SAMD3: variants seen among roughly 807,000 people sequenced by gnomAD.
SAMD3 encodes sterile alpha motif domain containing 3, also known as sterile alpha motif domain-containing protein 3.
In SAMD3, 63 loss-of-function variants were observed where a neutral mutation model predicts 58.5. The observed-to-expected ratio is 1.08, with a 90% CI of 0.88 to 1.33. The LOEUF (loss-of-function observed/expected upper bound fraction) is 1.33. Ranked by LOEUF, SAMD3 falls within the 40% of genes most tolerant of loss-of-function variation. SAMD3 has a pLI of 0.00. For missense variants in SAMD3, 604 were observed against 608.4 expected, an observed-to-expected ratio of 0.99 and a Z score of 0.08; for synonymous variants, 220 against 210.3, an observed-to-expected ratio of 1.05 and a Z score of -0.40.
chr6:130,214,218 A>T, intron 4 of SAMD3, 119 bp downstream of exon 4: 2 of 766,706 alleles, frequency 2.6e-6, no homozygotes, highest in Non-Finnish European at 4.0e-6. Context: ...AATACCGTAC[A>T]TACAATCTAG....
chr6:130,167,707 A>G (rs1008184197), intron 8 of SAMD3, among the ~76,000 whole-genome samples: 1 of 152,356 alleles, frequency 6.6e-6, no homozygotes, highest in East Asian at 1.9e-4. Flanking sequence ...CTCTGGACCT[A>G]AAACTAAAAG....
upstream of SAMD3, among the ~76,000 whole-genome samples, chr6:130,224,387 G>T (rs1039463171): frequency 6.6e-6 from 1 of 151,732 alleles, no homozygotes; most frequent in African/African-American, 2.4e-5. Context: ...CCCTAGCCAG[G>T]GACCCCATTC....
upstream of SAMD3, among the ~76,000 whole-genome samples, chr6:130,224,103 T>C (rs114160728): frequency 0.044 from 6,654 of 151,792 alleles, 477 homozygotes; most frequent in African/African-American, 0.15. Flanking sequence ...GGCCGCTCAG[T>C]GGCCTGACTC....
intron 8 of SAMD3, among the ~76,000 whole-genome samples, chr6:130,167,474 A>G (rs568983709): frequency 3.1e-4 from 47 of 152,342 alleles, no homozygotes; most frequent in African/African-American, 1.1e-3. Flanking sequence ...ACTACTGTAT[A>G]AAGTACAATC....
intron 2 of SAMD3, among the ~76,000 whole-genome samples, chr6:130,305,536 T>A (rs892463749): frequency 6.6e-6 from 1 of 152,186 alleles, no homozygotes; most frequent in African/African-American, 2.4e-5. Context: ...ATGATAGCAA[T>A]AAGGCCTTTG....
In SAMD3 at chr6:130,270,516, C is replaced by G. The variant is rs941537896; in HGVS notation, c.-188+42462G>C. ...TTCTCTTTCTGTTTCAGCTTCAGCA[C>G]CCCTTCCTGGGACTTTAGGTAAAAG... is the stretch of plus-strand genomic sequence containing the variant. On this transcript the variant is annotated intron_variant, in intron 2 of 13. Transcript: ENST00000368134. 3.3e-5 allele frequency among the ~76,000 whole-genome samples: 5 copies of G among 152,336 alleles called. No homozygotes were observed. The East Asian group carries it at 9.6e-4, about 29-fold the overall frequency.
intron 8 of SAMD3, among the ~76,000 whole-genome samples, chr6:130,166,903 G>A (rs760521433): frequency 4.6e-5 from 7 of 152,176 alleles, no homozygotes; most frequent in African/African-American, 7.2e-5. Flanking sequence ...ACAGGGATCT[G>A]CACTGGTGTG....
intron 1 of SAMD3, among the ~76,000 whole-genome samples, chr6:130,345,544 A>G (rs900632470): frequency 6.6e-6 from 1 of 151,770 alleles, no homozygotes; most frequent in Admixed American, 6.6e-5. Context: ...TATGGATGAG[A>G]TTGGTTTGGG....
intron 2 of SAMD3, among the ~76,000 whole-genome samples, chr6:130,269,025 A>T (rs1180873301): frequency 6.6e-6 from 1 of 151,860 alleles, no homozygotes; most frequent in Non-Finnish European, 1.5e-5. Flanking sequence ...AGGTCTGAGG[A>T]TTATTTGCCT....
intron 1 of SAMD3, among the ~76,000 whole-genome samples, chr6:130,345,876 T>G (rs1206371761): frequency 6.6e-6 from 1 of 152,214 alleles, no homozygotes; most frequent in Admixed American, 6.5e-5. Context: ...ATGGGTCATG[T>G]GTCATTGTGC....
chr6:130,217,710 C>G (rs563332279), intron 1 of SAMD3, among the ~76,000 whole-genome samples: 4 of 152,298 alleles, frequency 2.6e-5, no homozygotes, highest in Non-Finnish European at 5.9e-5. Context: ...ACAAAACATT[C>G]GACCACAAAA....
chr6:130,294,847 TA>T (rs1775502999), intron 2 of SAMD3, among the ~76,000 whole-genome samples: 9 of 151,750 alleles, frequency 5.9e-5, no homozygotes, highest in Non-Finnish European at 1.3e-4. Context: ...ATTGTTATTG[TA>T]TTTCTTTCCT....
At chr6:130,298,410 G>A (rs553445466) in intron 2 of SAMD3, among the ~76,000 whole-genome samples, 36 of 152,092 alleles carry the variant, frequency 2.4e-4, no homozygotes, top group East Asian at 3.9e-4. Flanking sequence ...AAAGAATGAC[G>A]CTTGCTACCA....
In SAMD3 at chr6:130,311,673, T is replaced by C. The variant is rs529831624; in HGVS notation, c.-188+1305A>G. On this transcript the variant is annotated intron_variant, in intron 2 of 13. Transcript: ENST00000368134. ...GTGGCTGCGCTGAGATGGTCTCCTC[T>C]GTCCACATTTACCAGGGCAAAGGAT... Among the ~76,000 whole-genome samples, 111 of 152,200 alleles carry C rather than the reference T, an allele frequency of 7.3e-4. 1 individual carries two copies. The highest frequency in any genetic ancestry group is 1.0e-3 in the Non-Finnish European group (70 of 68,044).
intron 2 of SAMD3, among the ~76,000 whole-genome samples, chr6:130,293,177 G>C (rs538488999): frequency 2.3e-3 from 343 of 152,218 alleles, no homozygotes; most frequent in Non-Finnish European, 4.0e-3. Context: ...TTTATATTAC[G>C]GACCAACTCC....
chr6:130,182,013 C>T (rs1352579233), intron 7 of SAMD3, among the ~76,000 whole-genome samples: 2 of 147,734 alleles, frequency 1.4e-5, no homozygotes, highest in African/African-American at 5.0e-5. Flanking sequence ...TGCAGTGAGT[C>T]GAGATCGTGC....
At chr6:130,338,579 A>T (rs113196996) in intron 1 of SAMD3, among the ~76,000 whole-genome samples, 12 of 152,308 alleles carry the variant, frequency 7.9e-5, no homozygotes, top group African/African-American at 2.6e-4. Flanking sequence ...GCTGAATCCT[A>T]TAGACCCACA....
intron 2 of SAMD3, among the ~76,000 whole-genome samples, chr6:130,289,328 C>A (rs765236098): frequency 1.3e-5 from 2 of 152,148 alleles, no homozygotes; most frequent in Non-Finnish European, 2.9e-5. Context: ...TTTCTTGATT[C>A]TATTTTCCAC....
chr6:130,158,132 A>G (rs1455200220), intron 8 of SAMD3, among the ~76,000 whole-genome samples: 1 of 152,194 alleles, frequency 6.6e-6, no homozygotes, highest in Non-Finnish European at 1.5e-5. Context: ...TCTTTCTCCA[A>G]GTAGAGCTGC....
Sources: allele counts gnomAD v4.1 joint callset (sites outside exome capture counted in the v4.1 genomes callset), GRCh38; gene constraint gnomAD v4.1.1; transcripts MANE v1.5; gene names NCBI Gene and HGNC (gene_info 2026-07-23, HGNC 2026-07-21).